The following CPEB3 variants were observed in gnomAD, a reference collection of about 807,000 sequenced individuals.
The protein encoded by CPEB3 is cytoplasmic polyadenylation element binding protein 3, also known as cytoplasmic polyadenylation element-binding protein 3.
A neutral mutation model predicts 67.2 loss-of-function variants in CPEB3; 20 were observed. The observed-to-expected ratio is 0.30, with a 90% CI of 0.21 to 0.43. The LOEUF (loss-of-function observed/expected upper bound fraction) is 0.43, where lower values mean the gene tolerates loss of function less well. CPEB3 is among the 20% of genes least tolerant of loss of function. The pLI is 1.00. For synonymous variants in CPEB3, 376 were observed against 393.1 expected (o/e 0.96, Z 0.51); for missense variants, 746 against 968.6 (o/e 0.77, Z 3.05).
intron 6 of CPEB3, among the ~76,000 whole-genome samples, chr10:92,111,959 C>A (rs934559395): frequency 2.0e-5 from 3 of 152,024 alleles, no homozygotes; most frequent in Non-Finnish European, 4.4e-5. Context: ...TAAGAGATAC[C>A]CTCTTGGCAG....
chr10:92,277,889 T>C lies in CPEB3; in HGVS notation c.-12+13037A>G, dbSNP rs186575917. Among the ~76,000 whole-genome samples the C allele has an allele frequency of 5.3e-5, 8 of 149,658 alleles. No individual in the cohort carries two copies. In the East Asian group the frequency reaches 1.4e-3, roughly 26 times the overall value. On this transcript the variant is annotated intron_variant, in intron 1 of 9. Transcript: ENST00000265997. ...CTGGGGGACAGAGCAAGACTCTGTC[T>C]TAAAAAACAAAAAGGCCGGGTGCAG...
chr10:92,139,626 T>G (rs1846296731), intron 6 of CPEB3, among the ~76,000 whole-genome samples: 1 of 152,190 alleles, frequency 6.6e-6, no homozygotes, highest in Non-Finnish European at 1.5e-5. Flanking sequence ...TCTTTGATAG[T>G]ACAACAGGGT....
intron 4 of CPEB3, among the ~76,000 whole-genome samples, chr10:92,157,387 T>C (rs1847257173): frequency 6.6e-6 from 1 of 152,194 alleles, no homozygotes; most frequent in Non-Finnish European, 1.5e-5. Flanking sequence ...TAAAATTATT[T>C]GAAAAAACTA....
intron 9 of CPEB3, among the ~76,000 whole-genome samples, chr10:92,058,608 T>C (rs56156226): frequency 0.027 from 3,996 of 149,456 alleles, 167 homozygotes; most frequent in African/African-American, 0.091. Flanking sequence ...TATATATATA[T>C]AAATTAATTA....
chr10:92,232,107 C>A lies in CPEB3; in HGVS notation c.1005+7239G>T, dbSNP rs993633908. ...CACTCTTGTCATCCAGGCTGGAGGG[C>A]AATAGCATGATCTCAGCTCACTGCA... On this transcript the variant is annotated intron_variant, in intron 2 of 9. Transcript: ENST00000265997. 1.1e-4 allele frequency among the ~76,000 whole-genome samples: 17 copies of A among 150,232 alleles called. 1 individual carries two copies. The highest frequency in any genetic ancestry group is 2.5e-4 in the Non-Finnish European group (17 of 67,756).
intron 2 of CPEB3, among the ~76,000 whole-genome samples, chr10:92,222,596 ATTGGGTGCCATGTTG>A (rs1366252056): frequency 3.3e-5 from 5 of 152,184 alleles, no homozygotes; most frequent in Non-Finnish European, 4.4e-5. Flanking sequence ...AAAACTTTGC[ATTGGGTGCCATGTTG>A]TTGGGTGCCA....
At chr10:92,106,041 C>T (rs1844433664) in intron 7 of CPEB3, among the ~76,000 whole-genome samples, 1 of 151,964 alleles carries the variant, frequency 6.6e-6, no homozygotes, top group Non-Finnish European at 1.5e-5. Context: ...TAGAGGCGCC[C>T]ACCACCATAT....
At chr10:92,144,395 C>A (rs977685160) in intron 5 of CPEB3, among the ~76,000 whole-genome samples, 2 of 152,108 alleles carry the variant, frequency 1.3e-5, no homozygotes, top group Non-Finnish European at 2.9e-5. Context: ...CTCAGCCTCC[C>A]AAGTAGCTGG....
At chr10:92,244,435 G>T (rs1379681814) in intron 1 of CPEB3, among the ~76,000 whole-genome samples, 4 of 147,786 alleles carry the variant, frequency 2.7e-5, no homozygotes, top group Non-Finnish European at 4.6e-5. Context: ...ACAAACAGTA[G>T]ATACAGTTTT....
intron 6 of CPEB3, among the ~76,000 whole-genome samples, chr10:92,125,654 C>T (rs920397188): frequency 7.2e-5 from 11 of 152,020 alleles, no homozygotes; most frequent in African/African-American, 2.7e-4. Flanking sequence ...TGCTATCTAT[C>T]ATCAAGCTTG....
At chr10:92,076,605 G>A (rs1282825600) in intron 9 of CPEB3, among the ~76,000 whole-genome samples, 1 of 151,832 alleles carries the variant, frequency 6.6e-6, no homozygotes, top group African/African-American at 2.4e-5. Flanking sequence ...GTAGAGATGG[G>A]GTCTCCGTAT....
chr10:92,175,578 T>G (rs1298794655), intron 4 of CPEB3, among the ~76,000 whole-genome samples: 1 of 152,180 alleles, frequency 6.6e-6, no homozygotes, highest in Non-Finnish European at 1.5e-5. Flanking sequence ...TGTGACACTT[T>G]TTAAAGTGCC....
chr10:92,165,402 T>TC (rs1847689734), intron 4 of CPEB3, among the ~76,000 whole-genome samples: 1 of 67,070 alleles, frequency 1.5e-5, no homozygotes, highest in Non-Finnish European at 2.6e-5. Context: ...ACTTTTTTCT[T>TC]CTTTTTTTTT....
At chr10:92,250,862 T>G in intron 1 of CPEB3, among the ~76,000 whole-genome samples, 2 of 141,320 alleles carry the variant, frequency 1.4e-5, no homozygotes, top group Non-Finnish European at 3.1e-5. Flanking sequence ...CAGTTAATTT[T>G]TTTTTTTTTT....
intron 9 of CPEB3, among the ~76,000 whole-genome samples, chr10:92,067,890 T>C (rs1842617304): frequency 6.6e-6 from 1 of 152,196 alleles, no homozygotes; most frequent in African/African-American, 2.4e-5. Flanking sequence ...CACCAACAAA[T>C]GTCTCAGATA....
intron 6 of CPEB3, among the ~76,000 whole-genome samples, chr10:92,115,422 G>A (rs559343719): frequency 6.6e-6 from 1 of 152,350 alleles, no homozygotes; most frequent in South Asian, 2.1e-4. Flanking sequence ...ACAGTGCTGG[G>A]ATTACAGGCG....
chr10:92,156,111 A>T (rs1847197535), intron 4 of CPEB3, among the ~76,000 whole-genome samples: 1 of 152,180 alleles, frequency 6.6e-6, no homozygotes, highest in Non-Finnish European at 1.5e-5. Flanking sequence ...CCAGATGAAG[A>T]ATCAGGGCAT....
intron 1 of CPEB3, 73 bp from the exon 2 acceptor site, chr10:92,240,434 G>T: frequency 7.3e-7 from 1 of 1,362,404 alleles, no homozygotes; most frequent in Non-Finnish European, 9.6e-7. Flanking sequence ...GCGGGCGGGT[G>T]TTTCACTTGC....
intron 2 of CPEB3, among the ~76,000 whole-genome samples, chr10:92,194,021 C>A (rs1336325367): frequency 6.6e-6 from 1 of 151,854 alleles, no homozygotes; most frequent in Non-Finnish European, 1.5e-5. Context: ...TGATCTTGAT[C>A]TCCTGACCTC....
Sources: allele counts gnomAD v4.1 joint callset (sites outside exome capture counted in the v4.1 genomes callset), GRCh38; gene constraint gnomAD v4.1.1; transcripts MANE v1.5; gene names NCBI Gene and HGNC (gene_info 2026-07-23, HGNC 2026-07-21).